The following COPS3 variants were observed in gnomAD, a reference collection of about 807,000 sequenced individuals.
COPS3 encodes COP9 signalosome complex subunit 3.
A neutral mutation model predicts 58.2 loss-of-function variants in COPS3; 10 were observed. The ratio of observed to expected loss-of-function variants is 0.17; its 90% confidence interval spans 0.11 to 0.29. COPS3 has a LOEUF of 0.29. Among genes scored for constraint, COPS3 ranks in the 10% least tolerant of loss-of-function variants. The probability of loss-of-function intolerance (pLI) is 1.00; values close to 1 mark genes in which losing one functional copy is unlikely to be tolerated. For synonymous variants in COPS3, 187 were observed against 181.7 expected (o/e 1.03, Z -0.24); for missense variants, 333 against 510.1 (o/e 0.65, Z 3.34).
intron 1 of COPS3, among the ~76,000 whole-genome samples, chr17:17,276,644 C>T (rs2048467382): frequency 6.6e-6 from 1 of 151,676 alleles, no homozygotes; most frequent in Non-Finnish European, 1.5e-5. Context: ...TCTCGGTTCA[C>T]TACAACCTCC....
intron 8 of COPS3, among the ~76,000 whole-genome samples, chr17:17,255,951 C>T (rs950999012): frequency 6.6e-6 from 1 of 150,448 alleles, no homozygotes; most frequent in East Asian, 1.9e-4. Context: ...GAGTGGATCA[C>T]GAGGTCAGGA....
intron 5 of COPS3, among the ~76,000 whole-genome samples, chr17:17,266,339 G>A (rs954664862): frequency 2.6e-5 from 4 of 152,060 alleles, no homozygotes; most frequent in East Asian, 1.9e-4. Context: ...ATATATATTC[G>A]TATTTGCTTT....
chr17:17,247,359 C>CCAGTA, intron 11 of COPS3, 121 bp downstream of exon 11: 1 of 1,017,002 alleles, frequency 9.8e-7, no homozygotes. Flanking sequence ...TTCTCCATGA[C>CCAGTA]CGTACTGGTA....
At chr17:17,252,130 C>T (rs2047860251) in intron 9 of COPS3, among the ~76,000 whole-genome samples, 1 of 152,064 alleles carries the variant, frequency 6.6e-6, no homozygotes, top group African/African-American at 2.4e-5. Context: ...GAAGCAGACA[C>T]AAGGGATATT....
intron 9 of COPS3, among the ~76,000 whole-genome samples, chr17:17,251,583 GC>G (rs751585435): frequency 6.1e-4 from 92 of 152,002 alleles, no homozygotes; most frequent in Non-Finnish European, 9.9e-4. Flanking sequence ...CAGGCACCAC[GC>G]CCAGCCTGTC....
chr17:17,280,854 G>C, intron 1 of COPS3: 1 of 1,167,246 alleles, frequency 8.6e-7, no homozygotes, highest in Non-Finnish European at 1.1e-6. Flanking sequence ...AAACTGTCAA[G>C]CAAAGCGCCC....
intron 5 of COPS3, among the ~76,000 whole-genome samples, chr17:17,266,655 C>T (rs1252402399): frequency 4.0e-5 from 6 of 151,764 alleles, no homozygotes; most frequent in South Asian, 4.2e-4. Context: ...AAAAATTAGC[C>T]GGGTGTAGTG....
At chr17:17,278,108 G>A (rs139679113) in intron 1 of COPS3, among the ~76,000 whole-genome samples, 3,705 of 152,038 alleles carry the variant, frequency 0.024, 153 homozygotes, top group African/African-American at 0.075. Flanking sequence ...CTGAGATTGC[G>A]CCACTGTACT....
At chr17:17,262,232 G>A in intron 6 of COPS3, 126 bp from the exon 7 acceptor site, 2 of 849,438 alleles carry the variant, frequency 2.4e-6, no homozygotes, top group Non-Finnish European at 1.8e-6. Context: ...TTTTATAACA[G>A]CCTTATTGAG....
chr17:17,256,925 A>C (rs1011480204), intron 8 of COPS3, among the ~76,000 whole-genome samples: 4 of 152,136 alleles, frequency 2.6e-5, no homozygotes, highest in African/African-American at 9.7e-5. Context: ...TTTAAAACCT[A>C]CATATACTTT....
intron 5 of COPS3, among the ~76,000 whole-genome samples, chr17:17,266,189 A>T (rs1169799312): frequency 1.3e-5 from 2 of 152,196 alleles, no homozygotes; most frequent in Non-Finnish European, 2.9e-5. Context: ...GACTTCTAAA[A>T]CCATCGCATA....
chr17:17,278,563 C>T (rs750230393), intron 1 of COPS3, among the ~76,000 whole-genome samples: 4 of 152,214 alleles, frequency 2.6e-5, no homozygotes, highest in African/African-American at 7.2e-5. Flanking sequence ...ACCAACTCAT[C>T]ATCATTGTAT....
chr17:17,276,134 T>C lies in COPS3; in HGVS notation c.86A>G (p.Asn29Ser), dbSNP rs766234971. 9 of 1,613,948 alleles carry C rather than the reference T, an allele frequency of 5.6e-6. No individual in the cohort carries two copies. Among genetic ancestry groups the C allele is most frequent in the East Asian group, 4.5e-5 (2 of 44,896 alleles). Residue 29 changes from asparagine (N) to serine (S), a missense_variant, in exon 2 of 12, where the codon AAC (asparagine) becomes AGC (serine). Asn to Ser is a conservative substitution (Grantham distance 46). Transcript: ENST00000268717. Reference protein sequence around the residue: ...GQMTQLCELINKSGELLAKNL... With the variant: ...GQMTQLCELISKSGELLAKNL... ...CTTCGCAAGGAGTTCCCCACTCTTG[T>C]TGATCAGTTCACAAAGCTGTGTCAT...
chr17:17,279,220 G>T (rs1026268154), intron 1 of COPS3, among the ~76,000 whole-genome samples: 1 of 152,106 alleles, frequency 6.6e-6, no homozygotes, highest in Non-Finnish European at 1.5e-5. Flanking sequence ...CACAGTAGCC[G>T]ACAGCAATGA....
chr17:17,280,552 AG>A (rs369078262), intron 1 of COPS3: 131,592 of 1,210,434 alleles, frequency 0.11, 1,970 homozygotes, highest in East Asian at 0.17. Context: ...AAAAAAACAA[AG>A]AAGAAGAAAT....
chr17:17,265,759 A>G (rs1567856117), intron 5 of COPS3, among the ~76,000 whole-genome samples: 2 of 152,218 alleles, frequency 1.3e-5, no homozygotes, highest in African/African-American at 4.8e-5. Context: ...GATGATTGAG[A>G]ATAGAGAACT....
intron 9 of COPS3, among the ~76,000 whole-genome samples, chr17:17,252,473 C>CAGATAACGCTTTGGTG (rs1555616702): frequency 7.2e-5 from 11 of 152,064 alleles, no homozygotes; most frequent in South Asian, 2.1e-4. Context: ...GTCCTGGGCA[C>CAGATAACGCTTTGGTG]TGCAGGACGT....
chr17:17,263,505 C>CTTT lies in COPS3; in HGVS notation c.621+1294_621+1296dup, dbSNP rs1400982096. On this transcript the variant is annotated intron_variant, in intron 6 of 11. Transcript: ENST00000268717. ...TGAGCCACCTCACCCAGCCTCTTGC[C>CTTT]TTTTCTTTTTTTTTTTTTTTTTTTT... Among the ~76,000 whole-genome samples, 1,003 of 108,040 alleles carry CTTT rather than the reference C, an allele frequency of 9.3e-3. 21 individuals carry two copies. Among genetic ancestry groups the CTTT allele is most frequent in the Middle Eastern group, 0.026 (4 of 152 alleles). 70.9% of individuals were successfully genotyped at this position (108,040 alleles called of 152,430 possible). A position where few individuals can be genotyped will look rare whatever the true frequency, so the allele number is the denominator to read the frequency against.
intron 5 of COPS3, among the ~76,000 whole-genome samples, chr17:17,267,546 G>A (rs1025152321): frequency 4.0e-5 from 6 of 150,462 alleles, no homozygotes; most frequent in Non-Finnish European, 5.9e-5. Flanking sequence ...GCTGAGGCAG[G>A]AGAATTGCTT....
Sources: allele counts gnomAD v4.1 joint callset (sites outside exome capture counted in the v4.1 genomes callset), GRCh38; gene constraint gnomAD v4.1.1; transcripts MANE v1.5; gene names NCBI Gene and HGNC (gene_info 2026-07-23, HGNC 2026-07-21).